PKP4: variants seen among roughly 807,000 people sequenced by gnomAD.
PKP4 encodes the protein plakophilin-4.
A neutral mutation model predicts 145.1 loss-of-function variants in PKP4; 90 were observed. The ratio of observed to expected loss-of-function variants is 0.62; its 90% CI spans 0.52 to 0.74. PKP4 has a LOEUF of 0.74. PKP4 is among the 30% of genes least tolerant of loss of function. The probability of loss-of-function intolerance (pLI) is 0.00; values close to 1 mark genes in which losing one functional copy is unlikely to be tolerated. For missense variants in PKP4, 1,340 were observed against 1,482.7 expected (o/e 0.90, Z 1.58); for synonymous variants, 563 against 577.2 (o/e 0.98, Z 0.35).
At chr2:158,474,942 A>C (rs1035158127) in intron 1 of PKP4, among the ~76,000 whole-genome samples, 4 of 152,192 alleles carry the variant, frequency 2.6e-5, no homozygotes, top group African/African-American at 9.6e-5. Flanking sequence ...TTTGCTAAAC[A>C]TTTTTAACTC....
intron 16 of PKP4, 56 bp downstream of exon 16, chr2:158,666,619 A>T (rs1422114240): frequency 7.0e-7 from 1 of 1,425,018 alleles, no homozygotes; most frequent in Non-Finnish European, 9.5e-7. Flanking sequence ...AAAATTCATG[A>T]AACTCTTCTT....
At chr2:158,628,923 TGAG>T (rs1223841535) in intron 7 of PKP4, among the ~76,000 whole-genome samples, 1 of 152,174 alleles carries the variant, frequency 6.6e-6, no homozygotes. Context: ...CACTGAGTCG[TGAG>T]TGTCTGTGGC....
At chr2:158,463,836 C>T (rs1332357817) in intron 1 of PKP4, among the ~76,000 whole-genome samples, 1 of 152,120 alleles carries the variant, frequency 6.6e-6, no homozygotes, top group African/African-American at 2.4e-5. Context: ...AAATATGTGT[C>T]GCAGCCAGAC....
intron 1 of PKP4, among the ~76,000 whole-genome samples, chr2:158,471,900 A>G (rs948627627): frequency 1.3e-5 from 2 of 152,208 alleles, no homozygotes; most frequent in African/African-American, 2.4e-5. Flanking sequence ...CTCATAGCCA[A>G]AATTTAAATA....
intron 19 of PKP4, 110 bp downstream of exon 19, chr2:158,674,110 A>T: frequency 1.3e-6 from 1 of 765,558 alleles, no homozygotes; most frequent in Admixed American, 1.7e-5. Context: ...CTCCAACACT[A>T]CCCATGCAGC....
At chr2:158,579,192 A>G (rs1391737744) in intron 3 of PKP4, among the ~76,000 whole-genome samples, 1 of 152,172 alleles carries the variant, frequency 6.6e-6, no homozygotes, top group African/African-American at 2.4e-5. Flanking sequence ...GATAGTATAA[A>G]ACACAAATTT....
At chr2:158,676,988 G>T (rs778370571) in intron 20 of PKP4, 121 bp downstream of exon 20, 2 of 1,162,522 alleles carry the variant, frequency 1.7e-6, no homozygotes, top group Non-Finnish European at 2.5e-6. Flanking sequence ...AGCAAACCAT[G>T]TTCCAGTCAT....
chr2:158,497,397 T>G (rs879716490), intron 1 of PKP4, among the ~76,000 whole-genome samples: 3 of 152,242 alleles, frequency 2.0e-5, no homozygotes, highest in Non-Finnish European at 4.4e-5. Context: ...CTTTCCTGCT[T>G]TTTCTCTTTA....
chr2:158,680,085 G>A (rs1279580126), intron 21 of PKP4, among the ~76,000 whole-genome samples: 2 of 152,182 alleles, frequency 1.3e-5, no homozygotes, highest in Non-Finnish European at 2.9e-5. Context: ...CATTCGGCAT[G>A]CCCAGGTAAC....
At chr2:158,498,031 A>C (rs1695997542) in intron 1 of PKP4, among the ~76,000 whole-genome samples, 1 of 152,226 alleles carries the variant, frequency 6.6e-6, no homozygotes, top group Non-Finnish European at 1.5e-5. Context: ...GAGGAAGGGA[A>C]AAACTCAAGT....
chr2:158,486,859 G>C (rs770549596), intron 1 of PKP4, among the ~76,000 whole-genome samples: 1 of 152,186 alleles, frequency 6.6e-6, no homozygotes, highest in Admixed American at 6.5e-5. Flanking sequence ...ACAATAAAAC[G>C]TGAGTCCAAT....
intron 1 of PKP4, among the ~76,000 whole-genome samples, chr2:158,465,290 C>T (rs1039515850): frequency 9.9e-5 from 15 of 152,218 alleles, no homozygotes; most frequent in Non-Finnish European, 1.8e-4. Context: ...ATAAATTACC[C>T]GATTCTAGAG....
intron 5 of PKP4, 26 bp from the exon 6 acceptor site, chr2:158,621,201 TAAAG>T (rs1433775096): frequency 1.2e-6 from 2 of 1,613,222 alleles, no homozygotes; most frequent in African/African-American, 2.7e-5. Flanking sequence ...GTGTGTATAA[TAAAG>T]ATATTTCTTG....
At position 158,661,345 on chromosome 2, in the gene PKP4, C is replaced by A. The variant is rs9459; in HGVS notation, c.2106C>A (p.Ser702=). 1 of 1,612,788 alleles carries A rather than the reference C, an allele frequency of 6.2e-7. No individual in the cohort carries two copies. Among genetic ancestry groups the A allele is most frequent in the African/African-American group, 1.3e-5 (1 of 74,812 alleles). The change falls in exon 13 of 22, where the codon TCC becomes TCA. Residue 702 remains serine (S), a synonymous_variant. Transcript: ENST00000389759. ...TCCACCCCTTTAGGAACCTCAGCTC[C>A]GCGGGGGAAGAAGCTCGGAAGCAAA... The part of the protein sequence containing the change: ...NTTGCLRNLS[S]AGEEARKQMR...
intron 4 of PKP4, among the ~76,000 whole-genome samples, chr2:158,607,449 T>C (rs1368369807): frequency 6.6e-6 from 1 of 152,092 alleles, no homozygotes; most frequent in African/African-American, 2.4e-5. Context: ...TATGAGTGAT[T>C]AAACAGGATG....
intron 2 of PKP4, among the ~76,000 whole-genome samples, chr2:158,574,778 TA>T (rs2047703289): frequency 6.6e-6 from 1 of 152,210 alleles, no homozygotes; most frequent in African/African-American, 2.4e-5. Context: ...ATGGTTTTGA[TA>T]AAAGTAGCCA....
chr2:158,668,002 A>G (rs1348350641), intron 16 of PKP4, among the ~76,000 whole-genome samples: 1 of 152,218 alleles, frequency 6.6e-6, no homozygotes, highest in Non-Finnish European at 1.5e-5. Flanking sequence ...TTCACAACGC[A>G]AAGACACAGG....
chr2:158,496,759 CGT>C (rs58108158), intron 1 of PKP4, among the ~76,000 whole-genome samples: 57,125 of 144,672 alleles, frequency 0.39, 11,069 homozygotes, highest in East Asian at 0.5. Flanking sequence ...CTTCTCTCTC[CGT>C]GTGTGTGTGT....
At chr2:158,669,988 G>A in intron 17 of PKP4, 73 bp downstream of exon 17, 2 of 1,171,064 alleles carry the variant, frequency 1.7e-6, no homozygotes, top group South Asian at 3.7e-5. Context: ...CCTTTGTTGA[G>A]GATACCTTTC....
Sources: allele counts gnomAD v4.1 joint callset (sites outside exome capture counted in the v4.1 genomes callset), GRCh38; gene constraint gnomAD v4.1.1; transcripts MANE v1.5; gene names NCBI Gene and HGNC (gene_info 2026-07-23, HGNC 2026-07-21).